UBXN4: variants seen among roughly 807,000 people sequenced by gnomAD.
The protein encoded by UBXN4 is UBX domain-containing protein 4.
In UBXN4, 35 loss-of-function variants were observed where a neutral mutation model predicts 66.2. The ratio of observed to expected loss-of-function variants is 0.53; its 90% CI spans 0.40 to 0.70. The LOEUF is 0.70. Ranked by LOEUF, UBXN4 falls within the 30% of genes least tolerant of loss-of-function variation. The probability of loss-of-function intolerance (pLI) is 0.00; values close to 1 mark genes in which losing one functional copy is unlikely to be tolerated. For missense variants in UBXN4, 533 were observed against 599.8 expected (o/e 0.89, Z 1.16); for synonymous variants, 203 against 204.5 (o/e 0.99, Z 0.06).
Position 135,755,666 on chromosome 2 carries a change from T to C in UBXN4, c.483T>C (p.Ser161=). The stretch of plus-strand genomic sequence containing the variant: ...AGCTTTGTGAGATACCACCCACTTC[T>C]GATACAAAGTCAGATACTGCAACAG... ...NAELCEIPPT[S]DTKSDTATGG... Residue 161 remains serine, a synonymous_variant, in exon 5 of 13, where the codon TCT becomes TCC. Coordinates refer to ENST00000272638, the MANE Select transcript of UBXN4 (RefSeq NM_014607.4). The C allele has an allele frequency of 6.4e-7, 1 of 1,570,222 alleles. No individual in the cohort carries two copies. The highest frequency in any genetic ancestry group is 8.6e-7 in the Non-Finnish European group (1 of 1,157,286).
chr2:135,745,875 C>CTTTTTTTTTTTTTTTTTTTTTT (rs59946844), intron 1 of UBXN4, among the ~76,000 whole-genome samples: 1 of 74,406 alleles, frequency 1.3e-5, no homozygotes, highest in African/African-American at 5.1e-5. Context: ...GTCCCGTTTA[C>CTTTTTTTTTTTTTTTTTTTTTT]TTTTTTTTTT....
chr2:135,771,105 TG>T (rs1212476422), intron 8 of UBXN4, among the ~76,000 whole-genome samples: 1 of 146,994 alleles, frequency 6.8e-6, no homozygotes, highest in African/African-American at 2.7e-5. Context: ...CACACTTTTT[TG>T]CAACATTGAA....
intron 1 of UBXN4, among the ~76,000 whole-genome samples, chr2:135,744,026 A>G (rs2077193007): frequency 6.6e-6 from 1 of 152,208 alleles, no homozygotes; most frequent in African/African-American, 2.4e-5. Flanking sequence ...TAGCTTTTTT[A>G]GAGCTTTAGC....
chr2:135,761,768 A>G, intron 5 of UBXN4, 50 bp from the exon 6 acceptor site: 1 of 1,423,754 alleles, frequency 7.0e-7, no homozygotes, highest in South Asian at 1.3e-5. Context: ...ATTCCTTTAA[A>G]AAGTTGCATT....
At chr2:135,767,375 A>G (rs2077355342) in intron 6 of UBXN4, among the ~76,000 whole-genome samples, 1 of 152,062 alleles carries the variant, frequency 6.6e-6, no homozygotes, top group South Asian at 2.1e-4. Context: ...AAAAAAAATG[A>G]AAGAAAGAAA....
chr2:135,746,654 A>G (rs1246855035), intron 1 of UBXN4, among the ~76,000 whole-genome samples: 1 of 152,216 alleles, frequency 6.6e-6, no homozygotes, highest in African/African-American at 2.4e-5. Flanking sequence ...TGGGGGAAGA[A>G]CATTCCAGGC....
chr2:135,762,129 A>T (rs1254460476), intron 6 of UBXN4, among the ~76,000 whole-genome samples: 1 of 152,344 alleles, frequency 6.6e-6, no homozygotes, highest in East Asian at 1.9e-4. Flanking sequence ...TGGTCTGATC[A>T]TTCTAAGAAT....
intron 5 of UBXN4, among the ~76,000 whole-genome samples, chr2:135,761,432 G>A (rs1314238724): frequency 1.0e-4 from 2 of 19,082 alleles, no homozygotes; most frequent in Non-Finnish European, 4.5e-4. Flanking sequence ...CCCTCACTTG[G>A]CAGTAACCTC....
At chr2:135,753,146 CCCAA>C (rs2077256201) in intron 2 of UBXN4, among the ~76,000 whole-genome samples, 1 of 151,794 alleles carries the variant, frequency 6.6e-6, no homozygotes, top group Admixed American at 6.6e-5. Context: ...GCCTCAGCCT[CCCAA>C]GTAGCTGGGA....
intron 2 of UBXN4, 130 bp from the exon 3 acceptor site, chr2:135,753,409 G>T: frequency 1.6e-6 from 1 of 625,554 alleles, no homozygotes; most frequent in South Asian, 3.5e-5. Context: ...CCTTCAACCT[G>T]ATTGCTGTGA....
At chr2:135,774,302 A>C (rs2077399629) in intron 9 of UBXN4, among the ~76,000 whole-genome samples, 1 of 152,210 alleles carries the variant, frequency 6.6e-6, no homozygotes, top group African/African-American at 2.4e-5. Flanking sequence ...CTGAATATCT[A>C]CATGCAAAAT....
Position 135,761,836 on chromosome 2 carries a change from A to C in UBXN4, c.527A>C (p.His176Pro), listed in dbSNP as rs773454967. 5.6e-6 allele frequency: 9 copies of C among 1,612,458 alleles called. No individual in the cohort carries two copies. The East Asian group carries it at 2.0e-4, about 36-fold the overall frequency. The change falls in exon 6 of 13, where the codon CAT becomes CCT. Residue 176 changes from histidine (H) to proline (P), a missense_variant. By Grantham distance (77) the His-to-Pro change is moderately conservative. This residue lies in a region of UBXN4 where 529 missense variants were observed against 580.1 expected (regional missense o/e 0.91). Coordinates refer to ENST00000272638, the MANE Select transcript of UBXN4 (RefSeq NM_014607.4). ...DTATGGESAG[H>P]ATSSQEPSGC... ...AATTAAGGAGGAGAAAGTGCAGGCC[A>C]TGCCACTTCCTCTCAGGAGCCTAGT... is the stretch of plus-strand genomic sequence containing the variant.
chr2:135,770,611 A>G lies in UBXN4; in HGVS notation c.698A>G (p.Lys233Arg), dbSNP rs374650338. 3.2e-6 allele frequency: 5 copies of G among 1,543,582 alleles called. No individual in the cohort carries two copies. Among genetic ancestry groups the G allele is most frequent in the Non-Finnish European group, 4.3e-6 (5 of 1,152,552 alleles). ...GAAATTGAGAGGAGAAAAACTGGAA[A>G]AGAAATGTTGGATTATAAAAGAAAA... The part of the protein sequence containing the change: ...KKEIERRKTG[K>R]EMLDYKRKQE... Residue 233 changes from lysine (K) to arginine (R), a missense_variant, in exon 8 of 13, where the codon AAA becomes AGA. Physicochemically the swap from Lys to Arg is conservative, Grantham distance 26. Around this residue, in one of 2 missense-constraint regions of UBXN4, gnomAD observed 529 missense variants for 580.1 expected, o/e 0.91. Transcript: ENST00000272638.
rs558336615 is a variant in UBXN4 at position 135,762,414 on chromosome 2, C to A, written c.602+503C>A. Among the ~76,000 whole-genome samples the A allele has an allele frequency of 6.6e-5, 10 of 152,144 alleles. No homozygotes were observed. In the South Asian group the frequency reaches 8.3e-4, roughly 13 times the overall value. On this transcript the variant is annotated intron_variant, in intron 6 of 12. Transcript: ENST00000272638. ...AATCATAGTCTTTTATGCTGTGATT[C>A]CTACATGAGTTAATAATTAGTGGTT... is the stretch of plus-strand genomic sequence containing the variant.
intron 9 of UBXN4, among the ~76,000 whole-genome samples, chr2:135,774,471 A>G (rs1490703037): frequency 1.3e-5 from 2 of 152,224 alleles, no homozygotes; most frequent in Non-Finnish European, 2.9e-5. Flanking sequence ...TGGCACTAAA[A>G]GCACAGGAAC....
At chr2:135,764,344 T>C (rs1420535028) in intron 6 of UBXN4, among the ~76,000 whole-genome samples, 2 of 152,154 alleles carry the variant, frequency 1.3e-5, no homozygotes, top group African/African-American at 4.8e-5. Context: ...CTAAATCAAA[T>C]TGACATTAGT....
chr2:135,751,758 A>G (rs1184223361), intron 2 of UBXN4, among the ~76,000 whole-genome samples: 3 of 151,808 alleles, frequency 2.0e-5, no homozygotes, highest in Non-Finnish European at 4.4e-5. Flanking sequence ...GATTTTGGGT[A>G]ATTTTTTTTC....
intron 2 of UBXN4, among the ~76,000 whole-genome samples, chr2:135,751,315 T>C (rs965249095): frequency 2.0e-5 from 3 of 151,896 alleles, no homozygotes; most frequent in Admixed American, 6.6e-5. Context: ...GCCTCCCAAG[T>C]AGCTGGGACT....
intron 5 of UBXN4, among the ~76,000 whole-genome samples, chr2:135,760,537 A>G (rs1575318228): frequency 6.6e-6 from 1 of 152,356 alleles, no homozygotes; most frequent in East Asian, 1.9e-4. Context: ...TCTATATGAC[A>G]TCTTTCCATT....
Sources: allele counts gnomAD v4.1 joint callset (sites outside exome capture counted in the v4.1 genomes callset), GRCh38; gene constraint gnomAD v4.1.1; regional missense constraint gnomAD v4.1.1; transcripts MANE v1.5; gene names NCBI Gene and HGNC (gene_info 2026-07-23, HGNC 2026-07-21).